Variants in LRRC7 observed in about 807,000 individuals in gnomAD.
The protein encoded by LRRC7 is leucine-rich repeat-containing protein 7.
LRRC7 carries 23 observed loss-of-function variants against 175.7 expected under a neutral mutation model. The observed-to-expected ratio is 0.13, with a 90% CI of 0.09 to 0.19. LRRC7 has a LOEUF of 0.19. Among genes scored for constraint, LRRC7 ranks in the 10% least tolerant of loss-of-function variants. LRRC7 has a pLI of 1.00. For synonymous variants in LRRC7, 685 were observed against 680.9 expected, an observed-to-expected ratio of 1.01 and a Z score of -0.09; for missense variants, 1,354 against 1,904.7, an observed-to-expected ratio of 0.71 and a Z score of 5.38.
At chr1:69,899,297 A>G (rs1167583283) in intron 7 of LRRC7, among the ~76,000 whole-genome samples, 1 of 152,220 alleles carries the variant, frequency 6.6e-6, no homozygotes, top group Non-Finnish European at 1.5e-5. Context: ...GGGAAATACC[A>G]TAGCATAGGT....
In LRRC7 at chr1:69,632,052, T is replaced by C. The variant is rs190071137; in HGVS notation, c.3-46329T>C. The stretch of plus-strand genomic sequence containing the variant: ...TTTTTAAATTTTTAAATATTTTTCT[T>C]CTCTCTGCATCAGCCAGTCTGAATC... On this transcript the variant is annotated intron_variant, in intron 1 of 26. Transcript: ENST00000651989. Among the ~76,000 whole-genome samples, 270 of 152,248 alleles carry C rather than the reference T, an allele frequency of 1.8e-3. 1 individual carries two copies. Among genetic ancestry groups the C allele is most frequent in the African/African-American group, 6.2e-3 (258 of 41,546 alleles).
At chr1:69,750,672 C>G (rs566473991) in intron 2 of LRRC7, among the ~76,000 whole-genome samples, 100 of 152,152 alleles carry the variant, frequency 6.6e-4, no homozygotes, top group Non-Finnish European at 1.3e-3. Flanking sequence ...GTTGAGGGCC[C>G]AGTCTCCCCT....
At chr1:69,808,189 G>A (rs1047759413) in intron 4 of LRRC7, among the ~76,000 whole-genome samples, 5 of 151,544 alleles carry the variant, frequency 3.3e-5, no homozygotes, top group Admixed American at 6.6e-5. Flanking sequence ...ATTCTAGTTA[G>A]CAATGCATCT....
At chr1:70,066,573 A>G (rs550413824) in intron 23 of LRRC7, among the ~76,000 whole-genome samples, 3 of 151,992 alleles carry the variant, frequency 2.0e-5, no homozygotes, top group South Asian at 2.1e-4. Context: ...TTTCCTTTTT[A>G]TTGCTGCATA....
chr1:69,769,002 A>G (rs1446151206), intron 3 of LRRC7, among the ~76,000 whole-genome samples: 1 of 152,206 alleles, frequency 6.6e-6, no homozygotes, highest in Non-Finnish European at 1.5e-5. Flanking sequence ...TTTCCAAACA[A>G]TATTTTGTGA....
intron 1 of LRRC7, among the ~76,000 whole-genome samples, chr1:69,601,623 C>T (rs2487763): frequency 0.15 from 23,033 of 151,976 alleles, 1,921 homozygotes; most frequent in Admixed American, 0.19. Flanking sequence ...GTTAATAATG[C>T]CATTTTTAAT....
rs755676231 is a variant in LRRC7 at position 69,781,733 on chromosome 1, AAGAGAGAG to A, written c.304-10284_304-10277del. On this transcript the variant is annotated intron_variant, in intron 3 of 26. Transcript: ENST00000651989. ...AAAGAAAGAAAGAAAGAAAGAAAGA[AAGAGAGAG>A]AGAGAGAGAGAGAGAGAGAGAGAGA... Among the ~76,000 whole-genome samples, 47 of 23,542 alleles carry A rather than the reference AAGAGAGAG, an allele frequency of 2.0e-3. 4 individuals are homozygous for A. Among genetic ancestry groups the A allele is most frequent in the Non-Finnish European group, 2.9e-3 (41 of 14,000 alleles). The allele number at this position is 23,542 out of a possible 152,430, so 15.4% of individuals were successfully genotyped here. A position where few individuals can be genotyped will look rare whatever the true frequency, so the allele number is the denominator to read the frequency against.
chr1:69,998,205 G>A (rs1044589630), intron 11 of LRRC7, among the ~76,000 whole-genome samples: 14 of 152,046 alleles, frequency 9.2e-5, no homozygotes, highest in African/African-American at 2.4e-4. Flanking sequence ...AAGCTTTGAC[G>A]TAGCTAAGAA....
rs187610130 is a variant in LRRC7 at position 69,669,060 on chromosome 1, T to C, written c.3-9321T>C. On this transcript the variant is annotated intron_variant, in intron 1 of 26. Transcript: ENST00000651989. ...TCTTGAAAAATTCTTATGGTTTTTT[T>C]CATTGGTCCATCCTTTAGTCTCTCT... Among the ~76,000 whole-genome samples, 316 of 152,342 alleles carry C rather than the reference T, an allele frequency of 2.1e-3. 2 individuals are homozygous for C. The highest frequency in any genetic ancestry group is 0.018 in the Admixed American group (269 of 15,298).
At chr1:70,099,076 A>G (rs1257516858) in intron 25 of LRRC7, among the ~76,000 whole-genome samples, 1 of 149,044 alleles carries the variant, frequency 6.7e-6, no homozygotes. Context: ...TCCTCAATAA[A>G]ATACTGGCAA....
intron 3 of LRRC7, among the ~76,000 whole-genome samples, chr1:69,765,079 A>G (rs553558421): frequency 6.6e-4 from 100 of 152,196 alleles, no homozygotes; most frequent in African/African-American, 2.2e-3. Context: ...ACACACTTAC[A>G]TCAACACATT....
intron 2 of LRRC7, among the ~76,000 whole-genome samples, chr1:69,728,135 G>C (rs1667179743): frequency 6.6e-6 from 1 of 151,996 alleles, no homozygotes; most frequent in Non-Finnish European, 1.5e-5. Context: ...TGTATTGATA[G>C]AATAGTTTAA....
At chr1:70,097,509 G>T (rs1361435595) in intron 25 of LRRC7, among the ~76,000 whole-genome samples, 2 of 151,778 alleles carry the variant, frequency 1.3e-5, no homozygotes, top group Admixed American at 6.6e-5. Context: ...TGTGCACATT[G>T]TTCTGGTTAG....
At chr1:70,061,498 G>A (rs1017096028) in intron 23 of LRRC7, among the ~76,000 whole-genome samples, 4 of 152,138 alleles carry the variant, frequency 2.6e-5, no homozygotes, top group Non-Finnish European at 2.9e-5. Context: ...GCAGCCAAAT[G>A]CATTCACTGT....
chr1:69,994,526 T>A (rs1313567879), intron 10 of LRRC7, 35 bp from the exon 11 acceptor site: 1 of 1,329,970 alleles, frequency 7.5e-7, no homozygotes, highest in East Asian at 2.3e-5. Flanking sequence ...CATAATCTGC[T>A]CTTATGTATT....
chr1:69,747,646 C>T (rs1171569022), intron 2 of LRRC7, among the ~76,000 whole-genome samples: 1 of 152,050 alleles, frequency 6.6e-6, no homozygotes, highest in African/African-American at 2.4e-5. Context: ...TAATTTAATT[C>T]AGTAACAATT....
intron 8 of LRRC7, among the ~76,000 whole-genome samples, chr1:69,954,873 GATAA>G (rs1256358139): frequency 5.3e-5 from 8 of 151,988 alleles, no homozygotes; most frequent in Non-Finnish European, 2.9e-5. Flanking sequence ...TCACTGATCT[GATAA>G]ATAGTTATTA....
intron 2 of LRRC7, among the ~76,000 whole-genome samples, chr1:69,730,803 G>A (rs939775933): frequency 3.9e-5 from 6 of 152,034 alleles, no homozygotes; most frequent in Non-Finnish European, 8.8e-5. Context: ...CCAATTTACT[G>A]TATTAGTCTG....
chr1:69,910,973 G>A lies in LRRC7; in HGVS notation c.648-20534G>A, dbSNP rs1053472208. Among the ~76,000 whole-genome samples, 5 of 152,206 alleles carry A rather than the reference G, an allele frequency of 3.3e-5. No individual in the cohort carries two copies. The East Asian group carries it at 9.7e-4, about 29-fold the overall frequency. On this transcript the variant is annotated intron_variant, in intron 7 of 26. Transcript: ENST00000651989. ...AGACTGCTATGCCAGCAATCAGGGA[G>A]ACTCCGTGGGCATAGGACCCTCCGA... is the stretch of plus-strand genomic sequence containing the variant.
Sources: gnomAD v4.1 joint callset for allele counts (sites outside exome capture counted in the v4.1 genomes callset) on GRCh38, gnomAD v4.1.1 for gene constraint, MANE v1.5 for transcripts, NCBI Gene and HGNC (gene_info 2026-07-23, HGNC 2026-07-21) for gene names.